LRMDA: variants seen among roughly 807,000 people sequenced by gnomAD.
LRMDA encodes the protein leucine-rich melanocyte differentiation-associated protein.
Under a neutral mutation model 29.8 loss-of-function variants are expected in LRMDA, and 18 were observed. That is an observed-to-expected ratio of 0.60 (90% confidence interval 0.42 to 0.90). The LOEUF is 0.90. Ranked by LOEUF, LRMDA falls within the 40% of genes least tolerant of loss-of-function variation. The probability of loss-of-function intolerance (pLI) is 0.00; values close to 1 mark genes in which losing one functional copy is unlikely to be tolerated. For missense variants in LRMDA, 273 were observed against 273.9 expected (o/e 1.00, Z 0.02); for synonymous variants, 125 against 109.4 (o/e 1.14, Z -0.89).
chr10:75,891,777 C>A (rs1845496626), intron 2 of LRMDA, among the ~76,000 whole-genome samples: 1 of 152,116 alleles, frequency 6.6e-6, no homozygotes, highest in Non-Finnish European at 1.5e-5. Flanking sequence ...ACTGGAAATA[C>A]CATGTAAGAG....
At chr10:76,213,749 G>A (rs1454923331) in intron 5 of LRMDA, among the ~76,000 whole-genome samples, 1 of 152,158 alleles carries the variant, frequency 6.6e-6, no homozygotes, top group Admixed American at 6.5e-5. Flanking sequence ...CTCCCTCCAG[G>A]AGGTTGCCAA....
chr10:75,708,486 TG>T (rs1017839544), intron 2 of LRMDA, among the ~76,000 whole-genome samples: 23 of 152,190 alleles, frequency 1.5e-4, no homozygotes, highest in African/African-American at 5.3e-4. Context: ...TTAGTTATTT[TG>T]GCTTTCTAGT....
chr10:75,796,684 TG>T (rs777010532), intron 2 of LRMDA, among the ~76,000 whole-genome samples: 3 of 152,208 alleles, frequency 2.0e-5, no homozygotes, highest in Non-Finnish European at 4.4e-5. Context: ...GCGATTCTCC[TG>T]CCTCAGCCTC....
chr10:76,449,370 G>A (rs779468609), intron 6 of LRMDA, among the ~76,000 whole-genome samples: 1 of 151,718 alleles, frequency 6.6e-6, no homozygotes, highest in Non-Finnish European at 1.5e-5. Context: ...CATTGCAGAG[G>A]ATTCCTTTTC....
At chr10:76,058,878 A>T in intron 5 of LRMDA, 95 bp downstream of exon 5, 1 of 958,526 alleles carries the variant, frequency 1.0e-6, no homozygotes, top group Non-Finnish European at 1.7e-6. Flanking sequence ...AGTGTTTAGA[A>T]TGCAGTTGGA....
At chr10:76,105,431 A>G (rs1244589173) in intron 5 of LRMDA, among the ~76,000 whole-genome samples, 1 of 152,046 alleles carries the variant, frequency 6.6e-6, no homozygotes, top group Non-Finnish European at 1.5e-5. Context: ...GTGGGGGGGA[A>G]GAGTCTTTAC....
intron 6 of LRMDA, among the ~76,000 whole-genome samples, chr10:76,484,684 A>C (rs565845962): frequency 1.8e-4 from 28 of 152,074 alleles, no homozygotes; most frequent in African/African-American, 6.3e-4. Flanking sequence ...TGTAAATTCT[A>C]TTAGGTTATC....
chr10:75,875,732 A>T (rs544735596), intron 2 of LRMDA, among the ~76,000 whole-genome samples: 84 of 152,342 alleles, frequency 5.5e-4, no homozygotes, highest in Non-Finnish European at 9.3e-4. Context: ...GTGCCCAGCC[A>T]GCCATTTCTT....
chr10:75,746,523 G>A (rs913248950), intron 2 of LRMDA, among the ~76,000 whole-genome samples: 5 of 152,144 alleles, frequency 3.3e-5, no homozygotes, highest in African/African-American at 9.7e-5. Context: ...GCCTTGTAGC[G>A]TGGGTGTCCC....
At chr10:75,485,739 A>G (rs1326178208) in intron 2 of LRMDA, among the ~76,000 whole-genome samples, 1 of 152,052 alleles carries the variant, frequency 6.6e-6, no homozygotes, top group African/African-American at 2.4e-5. Flanking sequence ...CACCATGCCT[A>G]GCTAATTTTT....
chr10:75,527,650 T>C lies in LRMDA; in HGVS notation c.131+89156T>C, dbSNP rs187075874. Among the ~76,000 whole-genome samples the C allele has an allele frequency of 3.1e-3, 460 of 148,244 alleles. 1 individual carries two copies. Among genetic ancestry groups the C allele is most frequent in the Middle Eastern group, 0.021 (6 of 280 alleles). The stretch of plus-strand genomic sequence containing the variant: ...CACCAGTAACATAGAATATGTAATA[T>C]ACTGTATACTATATAATTATAATAT... On this transcript the variant is annotated intron_variant, in intron 2 of 6. Transcript: ENST00000611255.
intron 2 of LRMDA, among the ~76,000 whole-genome samples, chr10:75,893,393 T>A (rs536575096): frequency 1.3e-5 from 2 of 152,350 alleles, no homozygotes; most frequent in Admixed American, 1.3e-4. Flanking sequence ...GCCATTGTAT[T>A]TATAAACAGG....
At chr10:76,286,294 G>GCA (rs1229924884) in intron 5 of LRMDA, among the ~76,000 whole-genome samples, 16 of 152,292 alleles carry the variant, frequency 1.1e-4, no homozygotes, top group African/African-American at 3.8e-4. Context: ...AGGGCTGTAA[G>GCA]GAGTGGAGAA....
intron 5 of LRMDA, among the ~76,000 whole-genome samples, chr10:76,098,152 C>T (rs541775518): frequency 1.1e-4 from 17 of 152,110 alleles, no homozygotes; most frequent in Admixed American, 2.0e-4. Flanking sequence ...ATTTTGGTGT[C>T]AGTGTGTAAT....
intron 6 of LRMDA, among the ~76,000 whole-genome samples, chr10:76,424,825 G>C (rs1381806889): frequency 2.6e-5 from 4 of 152,160 alleles, no homozygotes; most frequent in Non-Finnish European, 5.9e-5. Flanking sequence ...GCACCTTACT[G>C]TCTTTCCCAA....
At chr10:76,011,517 C>T (rs1344024929) in intron 2 of LRMDA, among the ~76,000 whole-genome samples, 1 of 152,168 alleles carries the variant, frequency 6.6e-6, no homozygotes, top group East Asian at 1.9e-4. Flanking sequence ...CTCAGTTCCT[C>T]CATGTGACTA....
intron 2 of LRMDA, among the ~76,000 whole-genome samples, chr10:76,034,948 GC>G (rs1197976170): frequency 6.6e-6 from 1 of 152,088 alleles, no homozygotes; most frequent in Non-Finnish European, 1.5e-5. Context: ...CGGCCGGCTT[GC>G]TTTAATTAAT....
At chr10:75,885,961 T>C (rs1245029739) in intron 2 of LRMDA, among the ~76,000 whole-genome samples, 4 of 152,206 alleles carry the variant, frequency 2.6e-5, no homozygotes, top group Admixed American at 6.5e-5. Context: ...AATAAAGATA[T>C]GACATGAAAG....
At chr10:76,465,293 A>G (rs1842553430) in intron 6 of LRMDA, among the ~76,000 whole-genome samples, 1 of 152,098 alleles carries the variant, frequency 6.6e-6, no homozygotes, top group Non-Finnish European at 1.5e-5. Flanking sequence ...GGGCTGCCAT[A>G]GAGATTTTCT....
Sources: allele counts gnomAD v4.1 joint callset (sites outside exome capture counted in the v4.1 genomes callset), GRCh38; gene constraint gnomAD v4.1.1; transcripts MANE v1.5; gene names NCBI Gene and HGNC (gene_info 2026-07-23, HGNC 2026-07-21).